ENOX1: variants seen among roughly 807,000 people sequenced by gnomAD.
The protein encoded by ENOX1 is candidate growth-related and time keeping constitutive hydroquinone (NADH) oxidase.
ENOX1 carries 42 observed loss-of-function variants against 82.5 expected under a neutral mutation model. The ratio of observed to expected loss-of-function variants is 0.51; its 90% CI spans 0.40 to 0.66. ENOX1 has a LOEUF of 0.66. Ranked by LOEUF, ENOX1 falls within the 30% of genes least tolerant of loss-of-function variation. ENOX1 has a pLI of 0.00. For missense variants in ENOX1, 608 were observed against 811.6 expected (o/e 0.75, Z 3.05); for synonymous variants, 271 against 282.2 (o/e 0.96, Z 0.40).
At chr13:43,615,089 A>C (rs2082350641) in intron 2 of ENOX1, among the ~76,000 whole-genome samples, 1 of 152,214 alleles carries the variant, frequency 6.6e-6, no homozygotes, top group Non-Finnish European at 1.5e-5. Flanking sequence ...AGAGAAAACA[A>C]ATAACATTCA....
At chr13:43,333,168 C>T in intron 9 of ENOX1, among the ~76,000 whole-genome samples, 1 of 152,306 alleles carries the variant, frequency 6.6e-6, no homozygotes, top group East Asian at 1.9e-4. Context: ...GAAATCCTTA[C>T]ATAAATATCT....
intron 2 of ENOX1, among the ~76,000 whole-genome samples, chr13:43,571,512 T>C (rs982313363): frequency 1.6e-5 from 2 of 128,318 alleles, no homozygotes; most frequent in Admixed American, 1.5e-4. Context: ...ACCCCACCTC[T>C]ACTAAAAAAG....
chr13:43,453,487 GATTA>G (rs1272697051), intron 3 of ENOX1, among the ~76,000 whole-genome samples: 2 of 152,156 alleles, frequency 1.3e-5, no homozygotes, highest in Admixed American at 1.3e-4. Context: ...TTTAATGGAA[GATTA>G]ATTTGCCCAT....
At chr13:43,635,936 T>A (rs1158791162) in intron 2 of ENOX1, among the ~76,000 whole-genome samples, 1 of 152,080 alleles carries the variant, frequency 6.6e-6, no homozygotes, top group Non-Finnish European at 1.5e-5. Flanking sequence ...AGCACACAAC[T>A]ATCAATCAAT....
intron 5 of ENOX1, among the ~76,000 whole-genome samples, chr13:43,377,017 G>A (rs1159358924): frequency 6.6e-6 from 1 of 152,110 alleles, no homozygotes; most frequent in Non-Finnish European, 1.5e-5. Flanking sequence ...TAGCTATGAT[G>A]TTCACTGCCC....
chr13:43,525,266 T>A (rs1306268910), intron 2 of ENOX1, among the ~76,000 whole-genome samples: 2 of 152,136 alleles, frequency 1.3e-5, no homozygotes, highest in Non-Finnish European at 2.9e-5. Flanking sequence ...TAACTCCCCA[T>A]TCTTCCTTCT....
rs147517109 is a variant in ENOX1, at chr13:43,493,130, T to TTC, written c.-218-8980_-218-8979dup. ...GCTAATTCCTTAAAATATCTTAAGA[T>TTC]TCTCTCTCTCTCTCTCTCTCCCCCC... On this transcript the variant is annotated intron_variant, in intron 2 of 16. Transcript: ENST00000690772. Among the ~76,000 whole-genome samples, 29 of 149,630 alleles carry TTC rather than the reference T, an allele frequency of 1.9e-4. 1 individual carries two copies. The highest frequency in any genetic ancestry group is 1.7e-3 in the South Asian group (8 of 4,700).
chr13:43,264,168 G>C (rs2044239587), intron 14 of ENOX1, among the ~76,000 whole-genome samples: 1 of 152,186 alleles, frequency 6.6e-6, no homozygotes. Context: ...TTTGAGATAG[G>C]CTTTGCCATT....
At chr13:43,723,278 G>A (rs903357132) in intron 1 of ENOX1, among the ~76,000 whole-genome samples, 1 of 152,126 alleles carries the variant, frequency 6.6e-6, no homozygotes, top group Non-Finnish European at 1.5e-5. Flanking sequence ...TATAGCAGGT[G>A]TGAAATTATC....
chr13:43,776,940 T>C (rs1454039852), intron 1 of ENOX1, among the ~76,000 whole-genome samples: 3 of 151,850 alleles, frequency 2.0e-5, no homozygotes, highest in Non-Finnish European at 4.4e-5. Flanking sequence ...CCTGCAGGGG[T>C]GAGCCCTTCA....
chr13:43,351,969 A>C (rs1300719479), intron 8 of ENOX1, among the ~76,000 whole-genome samples: 7 of 152,332 alleles, frequency 4.6e-5, no homozygotes, highest in Admixed American at 2.6e-4. Context: ...CCTATGTTTC[A>C]TATTTCCCTT....
Position 43,406,245 on chromosome 13 carries a change from C to T in ENOX1, c.208+5671G>A, listed in dbSNP as rs1037924746. Among the ~76,000 whole-genome samples the T allele has an allele frequency of 1.1e-4, 16 of 152,068 alleles. No individual in the cohort carries two copies. In the South Asian group the frequency reaches 2.3e-3, roughly 22 times the overall value. On this transcript the variant is annotated intron_variant, in intron 5 of 16. Transcript: ENST00000690772. ...GAATGGGAGAGGGTAGTGAAGGGGA[C>T]GGAGAAGGACTTGCAACCTATCTTG... is the stretch of plus-strand genomic sequence containing the variant.
At chr13:43,374,225 A>T in intron 5 of ENOX1, among the ~76,000 whole-genome samples, 1 of 133,866 alleles carries the variant, frequency 7.5e-6, no homozygotes, top group East Asian at 2.2e-4. Context: ...CTTCCTTCTT[A>T]ATCTTTCTTT....
intron 1 of ENOX1, among the ~76,000 whole-genome samples, chr13:43,681,799 A>G (rs1482628368): frequency 6.6e-6 from 1 of 151,958 alleles, no homozygotes; most frequent in East Asian, 1.9e-4. Flanking sequence ...TAGGAGAAGG[A>G]GATATTAAAT....
chr13:43,721,917 G>A (rs912548153), intron 1 of ENOX1, among the ~76,000 whole-genome samples: 9 of 152,092 alleles, frequency 5.9e-5, no homozygotes, highest in Non-Finnish European at 1.2e-4. Flanking sequence ...GTATAAGGAC[G>A]AAAGATCTTA....
intron 1 of ENOX1, among the ~76,000 whole-genome samples, chr13:43,721,593 T>C (rs1303150230): frequency 2.6e-5 from 4 of 151,896 alleles, no homozygotes; most frequent in Admixed American, 2.6e-4. Context: ...TTAGCCGGGA[T>C]GGTCTCGATC....
intron 3 of ENOX1, among the ~76,000 whole-genome samples, chr13:43,479,250 G>A (rs1426705965): frequency 1.3e-5 from 2 of 152,044 alleles, no homozygotes; most frequent in South Asian, 2.1e-4. Context: ...CCCACAAACC[G>A]ATCCTTGATT....
At position 43,651,087 on chromosome 13, in the gene ENOX1, A is replaced by G. The variant is rs545417908; in HGVS notation, c.-219+16392T>C. ...GCTTCCGTGTTTCTATGACAGTTAGAAGGCTGCTCCACCCACAGCACATGG... is the reference window on the plus strand; with the variant it reads ...GCTTCCGTGTTTCTATGACAGTTAGGAGGCTGCTCCACCCACAGCACATGG... On this transcript the variant is annotated intron_variant, in intron 2 of 16. Coordinates refer to ENST00000690772, the MANE Select transcript of ENOX1 (RefSeq NM_001347969.2). 2.6e-5 allele frequency among the ~76,000 whole-genome samples: 4 copies of G among 152,288 alleles called. No individual in the cohort carries two copies. In the East Asian group the frequency reaches 7.7e-4, roughly 29 times the overall value.
At chr13:43,326,155 G>T (rs779140061) in intron 10 of ENOX1, among the ~76,000 whole-genome samples, 4 of 152,068 alleles carry the variant, frequency 2.6e-5, no homozygotes, top group Non-Finnish European at 5.9e-5. Flanking sequence ...AAGTGTCTTG[G>T]TTTATTTCTG....
Sources: gnomAD v4.1 joint callset for allele counts (sites outside exome capture counted in the v4.1 genomes callset) on GRCh38, gnomAD v4.1.1 for gene constraint, MANE v1.5 for transcripts, NCBI Gene and HGNC (gene_info 2026-07-23, HGNC 2026-07-21) for gene names.